Variants in FSTL5 observed in about 807,000 individuals in gnomAD.
FSTL5 encodes the protein follistatin-related protein 5.
FSTL5 carries 62 observed loss-of-function variants against 89.1 expected under a neutral mutation model. That is an observed-to-expected ratio of 0.70 (90% CI 0.57 to 0.86). FSTL5 has a LOEUF of 0.86. Ranked by LOEUF, FSTL5 falls within the 40% of genes least tolerant of loss-of-function variation. FSTL5 has a pLI of 0.00. For missense variants in FSTL5, 1,057 were observed against 1,001.6 expected (o/e 1.06, Z -0.75); for synonymous variants, 383 against 346.2 (o/e 1.11, Z -1.18).
chr4:162,025,683 G>C (rs1247094473), intron 3 of FSTL5, among the ~76,000 whole-genome samples: 1 of 151,758 alleles, frequency 6.6e-6, no homozygotes. Context: ...ATTCAAAATA[G>C]TTATTACCCA....
intron 4 of FSTL5, among the ~76,000 whole-genome samples, chr4:161,807,383 T>C (rs2126835741): frequency 6.6e-6 from 1 of 152,102 alleles, no homozygotes; most frequent in East Asian, 1.9e-4. Flanking sequence ...TCATTTTAAA[T>C]AGTCATTGTG....
intron 8 of FSTL5, among the ~76,000 whole-genome samples, chr4:161,545,933 T>C (rs1260998340): frequency 1.3e-5 from 2 of 151,950 alleles, no homozygotes; most frequent in Non-Finnish European, 2.9e-5. Context: ...CAGTCAAGTT[T>C]TAAAAAGCCA....
At position 161,386,130 on chromosome 4, in the gene FSTL5, T is replaced by C. The variant is rs778112812; in HGVS notation, c.2161A>G (p.Ile721Val). Residue 721 changes from isoleucine to valine, a missense_variant, in exon 16 of 16, where the codon ATT becomes GTT. By Grantham distance (29) the Ile-to-Val change is conservative. Around this residue, in one of 3 missense-constraint regions of FSTL5, gnomAD observed 980 missense variants for 903.2 expected, o/e 1.08. Coordinates refer to ENST00000306100, the MANE Select transcript of FSTL5 (RefSeq NM_020116.5). ...TCCTGTATTTCTCCTCTGATGGTAA[T>C]GTACTGAACCCTTACAAGACCTTTC... is the stretch of plus-strand genomic sequence containing the variant. ...DVKGLVRVQY[I>V]TIRGEIQEAF... 1 of 1,614,048 alleles carries C rather than the reference T, an allele frequency of 6.2e-7. No homozygotes were observed. The highest frequency in any genetic ancestry group is 8.5e-7 in the Non-Finnish European group (1 of 1,179,970).
chr4:161,975,752 AT>A (rs1232433238), intron 3 of FSTL5, among the ~76,000 whole-genome samples: 179 of 115,882 alleles, frequency 1.5e-3, no homozygotes, highest in African/African-American at 4.5e-3. Flanking sequence ...TTAAAGTATA[AT>A]AAAAATAAAA....
chr4:161,396,243 T>C (rs969557916), intron 15 of FSTL5, among the ~76,000 whole-genome samples: 3 of 152,010 alleles, frequency 2.0e-5, no homozygotes, highest in African/African-American at 7.2e-5. Context: ...TTAAGTAAAA[T>C]GTGGTGGGCC....
intron 4 of FSTL5, among the ~76,000 whole-genome samples, chr4:161,780,176 A>G (rs1006836014): frequency 1.3e-5 from 2 of 148,638 alleles, no homozygotes; most frequent in Middle Eastern, 3.5e-3. Context: ...TAAATAAATA[A>G]TTGTATAAAT....
intron 6 of FSTL5, among the ~76,000 whole-genome samples, chr4:161,689,032 T>C (rs1156952732): frequency 6.6e-6 from 1 of 152,206 alleles, no homozygotes; most frequent in Non-Finnish European, 1.5e-5. Context: ...CTAAGTTTTG[T>C]TGGGAAGCAT....
intron 12 of FSTL5, among the ~76,000 whole-genome samples, chr4:161,486,116 C>A (rs1729668212): frequency 6.9e-6 from 1 of 145,236 alleles, no homozygotes; most frequent in African/African-American, 2.5e-5. Flanking sequence ...TGCAGTACAG[C>A]CTTGGCGACA....
At chr4:162,056,327 T>A (rs565226871) in intron 2 of FSTL5, among the ~76,000 whole-genome samples, 24 of 152,120 alleles carry the variant, frequency 1.6e-4, no homozygotes, top group African/African-American at 5.8e-4. Flanking sequence ...ATATTTTTGT[T>A]GGAGAAAAAT....
intron 2 of FSTL5, among the ~76,000 whole-genome samples, chr4:162,089,372 C>T (rs763252373): frequency 6.6e-6 from 1 of 150,850 alleles, no homozygotes; most frequent in Non-Finnish European, 1.5e-5. Context: ...CAGTGGCTCA[C>T]GCCTATAATC....
intron 6 of FSTL5, among the ~76,000 whole-genome samples, chr4:161,732,960 G>A (rs1350932492): frequency 1.3e-5 from 2 of 150,212 alleles, no homozygotes; most frequent in Non-Finnish European, 1.5e-5. Context: ...AATAACTTTG[G>A]TTATTTTATA....
At chr4:161,831,204 A>G (rs1730834146) in intron 4 of FSTL5, among the ~76,000 whole-genome samples, 1 of 151,968 alleles carries the variant, frequency 6.6e-6, no homozygotes, top group South Asian at 2.1e-4. Flanking sequence ...ATTTTATAAC[A>G]TCATGTTGTA....
intron 6 of FSTL5, among the ~76,000 whole-genome samples, chr4:161,697,612 C>G (rs1219670540): frequency 1.3e-5 from 2 of 152,032 alleles, no homozygotes; most frequent in Non-Finnish European, 1.5e-5. Context: ...AAGTGCCGGC[C>G]AATGGACGAA....
chr4:161,742,834 G>A (rs1347818170), intron 6 of FSTL5, among the ~76,000 whole-genome samples: 1 of 152,024 alleles, frequency 6.6e-6, no homozygotes. Context: ...AAAGCCGATG[G>A]CCATCTTCTT....
At chr4:161,625,900 A>G (rs1735300893) in intron 7 of FSTL5, among the ~76,000 whole-genome samples, 1 of 152,182 alleles carries the variant, frequency 6.6e-6, no homozygotes. Flanking sequence ...CAAACCACCC[A>G]CAACATTCCC....
chr4:161,590,162 G>A (rs975141769), intron 7 of FSTL5, among the ~76,000 whole-genome samples: 5 of 152,152 alleles, frequency 3.3e-5, no homozygotes, highest in East Asian at 3.9e-4. Flanking sequence ...ATACCCTATA[G>A]AGGAGAGGAA....
chr4:161,811,901 T>C (rs932871715), intron 4 of FSTL5, among the ~76,000 whole-genome samples: 2 of 152,318 alleles, frequency 1.3e-5, no homozygotes, highest in Middle Eastern at 3.4e-3. Flanking sequence ...TGAATACATA[T>C]AGAATGTTCC....
At chr4:162,108,289 A>T (rs928599490) in intron 2 of FSTL5, among the ~76,000 whole-genome samples, 1 of 152,098 alleles carries the variant, frequency 6.6e-6, no homozygotes, top group African/African-American at 2.4e-5. Context: ...ATATGCCTGC[A>T]TATTTTTATA....
At chr4:161,832,489 G>C (rs1417157520) in intron 4 of FSTL5, among the ~76,000 whole-genome samples, 1 of 152,102 alleles carries the variant, frequency 6.6e-6, no homozygotes, top group South Asian at 2.1e-4. Flanking sequence ...GGTAGAATTC[G>C]GCTGTGAATC....
Sources: allele counts gnomAD v4.1 joint callset (sites outside exome capture counted in the v4.1 genomes callset), GRCh38; gene constraint gnomAD v4.1.1; regional missense constraint gnomAD v4.1.1; transcripts MANE v1.5; gene names NCBI Gene and HGNC (gene_info 2026-07-23, HGNC 2026-07-21).